ACBD7: variants seen among roughly 807,000 people sequenced by gnomAD.
ACBD7 encodes the protein acyl-CoA-binding domain-containing protein 7.
Under a neutral mutation model 13.7 loss-of-function variants are expected in ACBD7, and 11 were observed. The observed-to-expected ratio is 0.80, with a 90% confidence interval of 0.50 to 1.33. The LOEUF (loss-of-function observed/expected upper bound fraction) is 1.33, where lower values mean the gene tolerates loss of function less well. Ranked by LOEUF, ACBD7 falls within the 40% of genes most tolerant of loss-of-function variation. ACBD7 has a pLI of 0.00. For synonymous variants in ACBD7, 43 were observed against 37.7 expected (o/e 1.14, Z -0.51); for missense variants, 111 against 103.0 (o/e 1.08, Z -0.33).
chr10:15,088,261 T>C (rs934851391), intron 1 of ACBD7: 1 of 166,784 alleles, frequency 6.0e-6, no homozygotes, highest in African/African-American at 2.4e-5. Flanking sequence ...TTATATTTGT[T>C]GTCTTTTCCA....
In ACBD7 at chr10:15,077,908, C is replaced by G. The variant is rs193012552; in HGVS notation, c.*622G>C. The G allele has an allele frequency of 6.6e-6, 1 of 152,168 alleles. No individual in the cohort carries two copies. The highest frequency in any genetic ancestry group is 2.4e-5 in the African/African-American group (1 of 41,514). 9.4% of individuals were successfully genotyped at this position (152,168 alleles called of 1,614,324 possible). On this transcript the variant is annotated 3_prime_UTR_variant, in exon 4 of 4. Coordinates refer to ENST00000356189, the MANE Select transcript of ACBD7 (RefSeq NM_001039844.3). ...CAAACAAACAAAAACTGCAACTGTA[C>G]TCCCTAACTCTATAAAAATAAAAAA...
intron 1 of ACBD7, among the ~76,000 whole-genome samples, chr10:15,080,544 C>T (rs1844738267): frequency 6.6e-6 from 1 of 151,988 alleles, no homozygotes; most frequent in East Asian, 1.9e-4. Context: ...AGCACCACTG[C>T]ACTCTAGCCT....
intron 1 of ACBD7, among the ~76,000 whole-genome samples, 187 bp from the exon 2 acceptor site, chr10:15,079,227 C>T (rs532610362): frequency 6.7e-6 from 1 of 150,256 alleles, no homozygotes. Flanking sequence ...ATATGAGGAA[C>T]TATAGAAAAT....
chr10:15,086,378 G>A (rs1361856718), intron 1 of ACBD7, among the ~76,000 whole-genome samples: 1 of 151,990 alleles, frequency 6.6e-6, no homozygotes, highest in Admixed American at 6.6e-5. Context: ...AATATCATGG[G>A]TCGATGTTAA....
At chr10:15,086,301 C>A (rs1263981301) in intron 1 of ACBD7, among the ~76,000 whole-genome samples, 5 of 148,076 alleles carry the variant, frequency 3.4e-5, no homozygotes, top group African/African-American at 5.0e-5. Flanking sequence ...AGCAAGACAC[C>A]ATCTCAAAAA....
chr10:15,086,433 A>G (rs1220876223), intron 1 of ACBD7, among the ~76,000 whole-genome samples: 2 of 152,260 alleles, frequency 1.3e-5, no homozygotes, highest in Non-Finnish European at 2.9e-5. Context: ...TCAACTCTTA[A>G]TTCCTCGTTG....
intron 1 of ACBD7, among the ~76,000 whole-genome samples, chr10:15,081,801 C>T (rs1309428869): frequency 6.6e-6 from 1 of 152,206 alleles, no homozygotes; most frequent in Non-Finnish European, 1.5e-5. Context: ...GCCTAAATAA[C>T]CTTGAACGTG....
chr10:15,086,729 G>A (rs1045984859), intron 1 of ACBD7, among the ~76,000 whole-genome samples: 1 of 152,002 alleles, frequency 6.6e-6, no homozygotes, highest in South Asian at 2.1e-4. Flanking sequence ...TACAAAAAAG[G>A]AAAGCCTGGC....
chr10:15,088,674 C>T (rs752516792), intron 1 of ACBD7, 43 bp downstream of exon 1: 34 of 1,589,106 alleles, frequency 2.1e-5, no homozygotes, highest in Middle Eastern at 3.4e-4. Flanking sequence ...GCACTCCCCT[C>T]GCGGAGCGCC....
At position 15,075,993 on chromosome 10, in the gene ACBD7, AAAAAGAAAAG is replaced by A; in HGVS notation, c.*2527_*2536del. ...TGTCTCAACAAAAAAAAAAAAAAAA[AAAAAGAAAAG>A]AAAAAGAATGTTATATAAATGGAAT... On this transcript the variant is annotated 3_prime_UTR_variant, in exon 4 of 4. Transcript: ENST00000356189. The A allele has an allele frequency of 1.6e-6, 1 of 623,978 alleles. No homozygotes were observed. The highest frequency in any genetic ancestry group is 2.0e-6 in the Non-Finnish European group (1 of 503,506). The allele number at this position is 623,978 out of a possible 1,614,324, so 38.7% of individuals were successfully genotyped here. A position where few individuals can be genotyped will look rare whatever the true frequency, so the allele number is the denominator to read the frequency against.
At chr10:15,088,467 G>A in intron 1 of ACBD7, 1 of 541,390 alleles carries the variant, frequency 1.8e-6, no homozygotes, top group Non-Finnish European at 3.2e-6. Context: ...GCTCCCCGGC[G>A]CTCCTGCCTT....
intron 1 of ACBD7, among the ~76,000 whole-genome samples, chr10:15,081,279 G>T (rs775625591): frequency 3.3e-5 from 5 of 152,084 alleles, no homozygotes; most frequent in Non-Finnish European, 7.4e-5. Context: ...GGGGCTTGAG[G>T]CATGACAAGA....
chr10:15,088,520 T>TGCCCTGGGA, intron 1 of ACBD7, 197 bp downstream of exon 1: 1 of 736,756 alleles, frequency 1.4e-6, no homozygotes, highest in Non-Finnish European at 2.0e-6. Context: ...CCGGAAGGGT[T>TGCCCTGGGA]GCCCTGGGAG....
intron 1 of ACBD7, chr10:15,088,488 C>T: frequency 1.7e-6 from 1 of 594,780 alleles, no homozygotes; most frequent in East Asian, 3.4e-5. Context: ...GCCTGCTTTT[C>T]CGCTCACCCG....
chr10:15,083,183 A>T (rs576284254), intron 1 of ACBD7, among the ~76,000 whole-genome samples: 26 of 152,270 alleles, frequency 1.7e-4, no homozygotes, highest in African/African-American at 6.3e-4. Flanking sequence ...TCAGTTCTAG[A>T]GCAGGGGCCA....
chr10:15,076,002 A>T lies in ACBD7; in HGVS notation c.*2528T>A. The T allele has an allele frequency of 1.5e-6, 1 of 673,774 alleles. No individual in the cohort carries two copies. The highest frequency in any genetic ancestry group is 1.8e-6 in the Non-Finnish European group (1 of 545,484). 41.7% of individuals were successfully genotyped at this position (673,774 alleles called of 1,614,324 possible). On this transcript the variant is annotated 3_prime_UTR_variant, in exon 4 of 4. Transcript: ENST00000356189. Reference sequence around the variant, plus strand: ...AAAAAAAAAAAAAAAAAAAAAGAAAAGAAAAAGAATGTTATATAAATGGAA... The same window carrying T: ...AAAAAAAAAAAAAAAAAAAAAGAAATGAAAAAGAATGTTATATAAATGGAA...
At position 15,084,404 on chromosome 10, in the gene ACBD7, TC is replaced by T. The variant is rs1244045363; in HGVS notation, c.12+4312del. On this transcript the variant is annotated intron_variant, in intron 1 of 3. Transcript: ENST00000356189. Reference sequence around the variant, plus strand: ...AAATATAGAGCCATGGACATTGAATTCCAAAGCATTCTTGTTACCAGTGGAG... The same window carrying T: ...AAATATAGAGCCATGGACATTGAATTCAAAGCATTCTTGTTACCAGTGGAG... 2.0e-5 allele frequency among the ~76,000 whole-genome samples: 3 copies of T among 152,148 alleles called. No individual in the cohort carries two copies. In the East Asian group the frequency reaches 5.8e-4, roughly 29 times the overall value.
chr10:15,087,994 G>T (rs184635707), intron 1 of ACBD7, among the ~76,000 whole-genome samples: 1 of 152,054 alleles, frequency 6.6e-6, no homozygotes, highest in Non-Finnish European at 1.5e-5. Context: ...AACAGAATGA[G>T]ACTCTGTCTC....
intron 1 of ACBD7, among the ~76,000 whole-genome samples, chr10:15,081,229 G>A (rs1389343781): frequency 1.3e-5 from 2 of 152,154 alleles, no homozygotes; most frequent in Non-Finnish European, 2.9e-5. Context: ...AGACTCCAAG[G>A]TAACAAAAGC....
Sources: gnomAD v4.1 joint callset for allele counts (sites outside exome capture counted in the v4.1 genomes callset) on GRCh38, gnomAD v4.1.1 for gene constraint, MANE v1.5 for transcripts, NCBI Gene and HGNC (gene_info 2026-07-23, HGNC 2026-07-21) for gene names.